ADSS2: variants seen among roughly 807,000 people sequenced by gnomAD.
ADSS2 encodes the protein adenylosuccinate synthase 2.
In ADSS2, 30 loss-of-function variants were observed where a neutral mutation model predicts 60.0. The ratio of observed to expected loss-of-function variants is 0.50; its 90% CI spans 0.37 to 0.68. ADSS2 has a LOEUF of 0.68. Ranked by LOEUF, ADSS2 falls within the 30% of genes least tolerant of loss-of-function variation. The pLI is 0.00. For synonymous variants in ADSS2, 187 were observed against 193.1 expected (o/e 0.97, Z 0.26); for missense variants, 373 against 554.8 (o/e 0.67, Z 3.29).
intron 1 of ADSS2, among the ~76,000 whole-genome samples, chr1:244,443,983 C>T (rs949573132): frequency 1.1e-4 from 16 of 152,150 alleles, no homozygotes; most frequent in Non-Finnish European, 2.1e-4. Context: ...CCCACCAACA[C>T]CCCAAGAAAC....
In ADSS2 at chr1:244,417,628, G is replaced by A. The variant is rs143745314; in HGVS notation, c.1070C>T (p.Ala357Val). ...ATAAATGTTTCTGAAGAATACTCACGCAGTAAATCCATTGATCATATGAGC... is the reference window on the plus strand; with the variant it reads ...ATAAATGTTTCTGAAGAATACTCACACAGTAAATCCATTGATCATATGAGC... ...KYAHMINGFTALALTKLDILD... is the reference protein window; with the variant it reads ...KYAHMINGFTVLALTKLDILD... The change falls in exon 10 of 13, where the codon GCG becomes GTG. Residue 357 changes from alanine to valine, a missense_variant and splice_region_variant. This residue lies in a region of ADSS2 where 130 missense variants were observed against 169.4 expected (regional missense o/e 0.77). Transcript: ENST00000366535. 13 of 1,610,970 alleles carry A rather than the reference G, an allele frequency of 8.1e-6. No individual in the cohort carries two copies. Among genetic ancestry groups the A allele is most frequent in the Non-Finnish European group, 1.1e-5 (13 of 1,179,418 alleles).
chr1:244,424,360 C>G lies in ADSS2; in HGVS notation c.434G>C (p.Gly145Ala). 1 of 1,613,236 alleles carries G rather than the reference C, an allele frequency of 6.2e-7. No homozygotes were observed. The highest frequency in any genetic ancestry group is 1.3e-5 in the African/African-American group (1 of 74,954). Reference protein sequence around the residue: ...IVFDFHQAADGIQEQQRQEQA... With the variant: ...IVFDFHQAADAIQEQQRQEQA... Reference sequence around the variant, plus strand: ...TTCTTGTCTCTGTTGTTCCTGGATACCATCAGCTGCTTGATGAAAATCAAA... The same window carrying G: ...TTCTTGTCTCTGTTGTTCCTGGATAGCATCAGCTGCTTGATGAAAATCAAA... The change falls in exon 5 of 13, where the codon GGT becomes GCT. Residue 145 changes from glycine (G) to alanine (A), a missense_variant. Coordinates refer to ENST00000366535, the MANE Select transcript of ADSS2 (RefSeq NM_001126.5).
intron 11 of ADSS2, among the ~76,000 whole-genome samples, chr1:244,415,370 G>T (rs1664505749): frequency 6.6e-6 from 1 of 152,162 alleles, no homozygotes; most frequent in Admixed American, 6.5e-5. Flanking sequence ...ATACATGTAA[G>T]ACAAGGAAAG....
At position 244,424,386 on chromosome 1, in the gene ADSS2, T is replaced by C; in HGVS notation, c.408A>G (p.Val136=). The C allele has an allele frequency of 6.2e-7, 1 of 1,612,558 alleles. No homozygotes were observed. Among genetic ancestry groups the C allele is most frequent in the Non-Finnish European group, 8.5e-7 (1 of 1,179,058 alleles). The change falls in exon 5 of 13, where the codon GTA becomes GTG. Residue 136 remains valine (V), a splice_region_variant and synonymous_variant. Transcript: ENST00000366535. ...RLIISDRAHI[V]FDFHQAADGI... is the part of the protein sequence containing the mutation. ...CATCAGCTGCTTGATGAAAATCAAA[T>C]ACTGAGGGGAAATAAAACCACAGTT...
At chr1:244,445,444 T>C (rs916671787) in intron 1 of ADSS2, among the ~76,000 whole-genome samples, 1 of 152,208 alleles carries the variant, frequency 6.6e-6, no homozygotes, top group African/African-American at 2.4e-5. Flanking sequence ...ATTCTGTAAC[T>C]GTTCTCAGTT....
At chr1:244,420,998 G>A (rs995425155) in intron 7 of ADSS2, among the ~76,000 whole-genome samples, 1 of 152,130 alleles carries the variant, frequency 6.6e-6, no homozygotes, top group Non-Finnish European at 1.5e-5. Context: ...CATGAATTTT[G>A]AAACTTGCAT....
intron 7 of ADSS2, among the ~76,000 whole-genome samples, chr1:244,420,998 G>C (rs995425155): frequency 6.6e-6 from 1 of 152,130 alleles, no homozygotes; most frequent in African/African-American, 2.4e-5. Flanking sequence ...CATGAATTTT[G>C]AAACTTGCAT....
chr1:244,447,193 C>T (rs1665414838), intron 1 of ADSS2, among the ~76,000 whole-genome samples: 2 of 152,164 alleles, frequency 1.3e-5, no homozygotes, highest in Non-Finnish European at 1.5e-5. Flanking sequence ...AGCTCATCCA[C>T]ACTAATCTTT....
At chr1:244,448,583 CAATA>C (rs1665450930) in intron 1 of ADSS2, among the ~76,000 whole-genome samples, 1 of 152,152 alleles carries the variant, frequency 6.6e-6, no homozygotes, top group Admixed American at 6.5e-5. Flanking sequence ...TCCTCAAGAA[CAATA>C]AATAAGTAAG....
At chr1:244,430,924 C>G (rs117569291) in intron 4 of ADSS2, among the ~76,000 whole-genome samples, 2 of 152,248 alleles carry the variant, frequency 1.3e-5, no homozygotes, top group East Asian at 3.9e-4. Context: ...GAGTTCAAGA[C>G]CAGCCTGACC....
Position 244,432,603 on chromosome 1 carries a change from G to A in ADSS2, c.356-8C>T, listed in dbSNP as rs781289942. ...TTTCCCAGCCTTCTAGTCCTAGAAA[G>A]GGGAAAAAGATATATTTAATTGAAT... On this transcript the variant is annotated splice_polypyrimidine_tract_variant and splice_region_variant and intron_variant, in intron 3 of 12. Coordinates refer to ENST00000366535, the MANE Select transcript of ADSS2 (RefSeq NM_001126.5). The A allele has an allele frequency of 6.5e-7, 1 of 1,532,964 alleles. No homozygotes were observed. Among genetic ancestry groups the A allele is most frequent in the Non-Finnish European group, 8.9e-7 (1 of 1,126,914 alleles). The allele number at this position is 1,532,964 out of a possible 1,614,324, so 95.0% of individuals were successfully genotyped here. A position where few individuals can be genotyped will look rare whatever the true frequency, so the allele number is the denominator to read the frequency against.
chr1:244,417,282 C>T (rs114668668), intron 10 of ADSS2, among the ~76,000 whole-genome samples: 2,304 of 152,274 alleles, frequency 0.015, 65 homozygotes, highest in African/African-American at 0.053. Flanking sequence ...TAAGCCCATG[C>T]GCGGATCACT....
At chr1:244,413,108 A>G (rs1372124332) in intron 11 of ADSS2, among the ~76,000 whole-genome samples, 1 of 152,220 alleles carries the variant, frequency 6.6e-6, no homozygotes, top group Non-Finnish European at 1.5e-5. Context: ...GAGAGTGTAT[A>G]TGGAACTGGA....
chr1:244,451,458 C>T lies in ADSS2; in HGVS notation c.183+177G>A, dbSNP rs1485377300. ...CACCCGACGCTCCAGGTCAGGGGTCCCCGACCTCCCGCCATTTCTCCACGT... is the reference window on the plus strand; with the variant it reads ...CACCCGACGCTCCAGGTCAGGGGTCTCCGACCTCCCGCCATTTCTCCACGT... On this transcript the variant is annotated intron_variant, in intron 1 of 12. Transcript: ENST00000366535. The surrounding 1 kb of genome is among the most constrained non-coding windows in gnomAD (Gnocchi z 6.6). Among the ~76,000 whole-genome samples, 1 of 152,226 alleles carries T rather than the reference C, an allele frequency of 6.6e-6. No individual in the cohort carries two copies. The highest frequency in any genetic ancestry group is 2.4e-5 in the African/African-American group (1 of 41,462).
rs2147992362 is a variant in ADSS2, at chr1:244,418,931, A to C, written c.791-17T>G. 2 of 1,570,628 alleles carry C rather than the reference A, an allele frequency of 1.3e-6. No individual in the cohort carries two copies. Among genetic ancestry groups the C allele is most frequent in the Non-Finnish European group, 1.7e-6 (2 of 1,154,842 alleles). On this transcript the variant is annotated splice_polypyrimidine_tract_variant and intron_variant, in intron 8 of 12. Coordinates refer to ENST00000366535, the MANE Select transcript of ADSS2 (RefSeq NM_001126.5). ...GGTAAGTCCCTAAAAACAGAAACAG[A>C]CATTAAAATATAGTAGACACATGAA... is the stretch of plus-strand genomic sequence containing the variant.
At chr1:244,437,587 A>G in intron 2 of ADSS2, 79 bp downstream of exon 2, 1 of 1,018,524 alleles carries the variant, frequency 9.8e-7, no homozygotes, top group South Asian at 1.4e-5. Flanking sequence ...AGAGATGAAA[A>G]CAGTTTTGAC....
intron 10 of ADSS2, among the ~76,000 whole-genome samples, chr1:244,416,284 G>A (rs1344983564): frequency 6.6e-6 from 1 of 152,200 alleles, no homozygotes. Context: ...GCTAGTAATT[G>A]TAACAGATTT....
chr1:244,432,382 GA>G (rs1664965293), intron 4 of ADSS2, among the ~76,000 whole-genome samples, 162 bp downstream of exon 4: 3 of 151,536 alleles, frequency 2.0e-5, no homozygotes, highest in Admixed American at 2.0e-4. Context: ...TGTTAAAAAA[GA>G]AAAAAATTAG....
rs192048704 is a variant in ADSS2, at chr1:244,409,243, C to T, written c.*343G>A. On this transcript the variant is annotated 3_prime_UTR_variant, in exon 13 of 13. Transcript: ENST00000366535. ...CTAATAGGGGTAAAACTTAAGAACA[C>T]GCAATGACAATAATGAAGAAAAACT... The T allele has an allele frequency of 3.9e-4, 72 of 186,072 alleles. No individual in the cohort carries two copies. Among genetic ancestry groups the T allele is most frequent in the East Asian group, 3.7e-3 (27 of 7,354 alleles). The allele number at this position is 186,072 out of a possible 1,614,324, so 11.5% of individuals were successfully genotyped here.
Sources: gnomAD v4.1 joint callset for allele counts (sites outside exome capture counted in the v4.1 genomes callset) on GRCh38, gnomAD v4.1.1 for gene constraint, gnomAD v4.1.1 regional missense constraint, Gnocchi (gnomAD v3.1) non-coding constraint, MANE v1.5 for transcripts, NCBI Gene and HGNC (gene_info 2026-07-23, HGNC 2026-07-21) for gene names.